The following CIB4 variants were observed in gnomAD, a reference collection of about 807,000 sequenced individuals.
CIB4 encodes calcium and integrin binding family member 4.
In CIB4, 25 loss-of-function variants were observed where a neutral mutation model predicts 25.8. That is an observed-to-expected ratio of 0.97 (90% CI 0.71 to 1.35). CIB4 has a LOEUF of 1.35. Among genes scored for constraint, CIB4 ranks in the 40% most tolerant of loss-of-function variants. The pLI is 0.00. For synonymous variants in CIB4, 75 were observed against 81.4 expected (o/e 0.92, Z 0.42); for missense variants, 235 against 228.2 (o/e 1.03, Z -0.19).
intron 4 of CIB4, among the ~76,000 whole-genome samples, chr2:26,593,931 C>T (rs1023723084): frequency 6.6e-6 from 1 of 152,176 alleles, no homozygotes; most frequent in Non-Finnish European, 1.5e-5. Flanking sequence ...ATAGGCTCTC[C>T]CTCACTTTGT....
Position 26,595,203 on chromosome 2 carries a change from T to G in CIB4, c.301A>C (p.Lys101Gln). The change falls in exon 4 of 7, where the codon AAG becomes CAG. Residue 101 changes from lysine to glutamine, a missense_variant. Transcript: ENST00000288861. The part of the protein sequence containing the change: ...VFSEQACPSL[K>Q]IEYAFRIYDF... ...TAGATGCGAAAGGCATACTCAATCT[T>G]CAGGCTTGGGCAGGCCTGCTCGCTG... 2 of 1,612,824 alleles carry G rather than the reference T, an allele frequency of 1.2e-6. No homozygotes were observed. The highest frequency in any genetic ancestry group is 1.7e-6 in the Non-Finnish European group (2 of 1,178,938).
At chr2:26,608,729 A>G (rs1668941272) in intron 3 of CIB4, among the ~76,000 whole-genome samples, 1 of 151,980 alleles carries the variant, frequency 6.6e-6, no homozygotes, top group Admixed American at 6.5e-5. Flanking sequence ...AGTGCAAACC[A>G]CCAACCTGGA....
chr2:26,631,352 A>G (rs1003082108), intron 2 of CIB4, among the ~76,000 whole-genome samples: 25 of 152,254 alleles, frequency 1.6e-4, no homozygotes, highest in Non-Finnish European at 3.4e-4. Context: ...GCACGCACCT[A>G]TAGTCTAGCT....
intron 3 of CIB4, among the ~76,000 whole-genome samples, chr2:26,620,513 G>A (rs1669185778): frequency 6.6e-6 from 1 of 152,124 alleles, no homozygotes; most frequent in African/African-American, 2.4e-5. Context: ...TGAGAACTGG[G>A]GAGTGAATAA....
At chr2:26,633,442 C>T (rs564009640) in intron 2 of CIB4, among the ~76,000 whole-genome samples, 3 of 152,166 alleles carry the variant, frequency 2.0e-5, no homozygotes, top group South Asian at 2.1e-4. Flanking sequence ...CCAAGTTCTT[C>T]GGGCTGTGCT....
chr2:26,599,577 A>G (rs1198538852), intron 3 of CIB4, among the ~76,000 whole-genome samples: 1 of 152,160 alleles, frequency 6.6e-6, no homozygotes, highest in Non-Finnish European at 1.5e-5. Context: ...CTAGTGACTC[A>G]ATGATGATGT....
intron 3 of CIB4, among the ~76,000 whole-genome samples, chr2:26,601,231 A>AAAAT (rs1395827334): frequency 3.1e-3 from 54 of 17,192 alleles, no homozygotes; most frequent in African/African-American, 6.3e-3. Context: ...AAAAAAAAAA[A>AAAAT]ATATATATAT....
intron 1 of CIB4, among the ~76,000 whole-genome samples, chr2:26,641,048 A>AT (rs1669626084): frequency 6.6e-6 from 1 of 151,986 alleles, no homozygotes; most frequent in Admixed American, 6.6e-5. Flanking sequence ...ACATTATCAG[A>AT]TTTTTTCGTG....
At chr2:26,616,624 C>T (rs376224046) in intron 3 of CIB4, among the ~76,000 whole-genome samples, 82 of 152,234 alleles carry the variant, frequency 5.4e-4, no homozygotes, top group African/African-American at 2.0e-3. Flanking sequence ...GCCCAGGCTA[C>T]CCCAACACCC....
chr2:26,622,853 C>T (rs1669231040), intron 3 of CIB4, among the ~76,000 whole-genome samples: 2 of 152,082 alleles, frequency 1.3e-5, no homozygotes, highest in East Asian at 1.9e-4. Flanking sequence ...CATGGCGGCA[C>T]GCGCCTGTAA....
At chr2:26,596,478 T>C (rs1291084561) in intron 3 of CIB4, among the ~76,000 whole-genome samples, 1 of 152,142 alleles carries the variant, frequency 6.6e-6, no homozygotes, top group Non-Finnish European at 1.5e-5. Flanking sequence ...GCACGGTGGC[T>C]CAAGCTTGTA....
chr2:26,584,727 A>G (rs1668417152), intron 4 of CIB4, among the ~76,000 whole-genome samples: 1 of 152,194 alleles, frequency 6.6e-6, no homozygotes, highest in African/African-American at 2.4e-5. Context: ...CTTACATTTC[A>G]CATCCCCCTG....
intron 3 of CIB4, among the ~76,000 whole-genome samples, chr2:26,621,515 C>T (rs755810486): frequency 6.6e-6 from 1 of 151,978 alleles, no homozygotes; most frequent in African/African-American, 2.4e-5. Flanking sequence ...GCCTAGGCAA[C>T]ATAGTGGGAC....
intron 3 of CIB4, chr2:26,623,718 CAGG>C (rs1451256233): frequency 2.8e-6 from 1 of 351,016 alleles, no homozygotes. Context: ...AAGCCCGGAG[CAGG>C]AGGAGGGAAG....
At chr2:26,595,416 G>C (rs753324598) in intron 3 of CIB4, 99 bp from the exon 4 acceptor site, 2 of 1,328,944 alleles carry the variant, frequency 1.5e-6, no homozygotes, top group Non-Finnish European at 2.1e-6. Context: ...TCCTGGGTTT[G>C]AGATGAAGAC....
intron 2 of CIB4, among the ~76,000 whole-genome samples, chr2:26,635,492 G>A (rs993129115): frequency 2.0e-5 from 3 of 152,162 alleles, no homozygotes; most frequent in African/African-American, 7.2e-5. Context: ...ACTGCCATCT[G>A]GGCCACATTT....
At chr2:26,607,225 G>T (rs1668906654) in intron 3 of CIB4, among the ~76,000 whole-genome samples, 1 of 152,182 alleles carries the variant, frequency 6.6e-6, no homozygotes, top group African/African-American at 2.4e-5. Context: ...ACTCTAAAAA[G>T]TTAGTATAAT....
At chr2:26,589,050 CT>C (rs1668520248) in intron 4 of CIB4, among the ~76,000 whole-genome samples, 1 of 56,438 alleles carries the variant, frequency 1.8e-5, no homozygotes, top group Non-Finnish European at 3.5e-5. Context: ...TCTTCTTCTT[CT>C]TCTTCTTCCT....
intron 2 of CIB4, among the ~76,000 whole-genome samples, chr2:26,637,172 G>C (rs995312113): frequency 6.6e-6 from 1 of 152,250 alleles, no homozygotes; most frequent in South Asian, 2.1e-4. Context: ...GGATTGCAGA[G>C]GGAGAGAGAA....
Sources: allele counts gnomAD v4.1 joint callset (sites outside exome capture counted in the v4.1 genomes callset), GRCh38; gene constraint gnomAD v4.1.1; transcripts MANE v1.5; gene names NCBI Gene and HGNC (gene_info 2026-07-23, HGNC 2026-07-21).